Variants in ASTN2 observed in about 807,000 individuals in gnomAD.
ASTN2 encodes the protein astrotactin 2.
In ASTN2, 54 loss-of-function variants were observed where a neutral mutation model predicts 139.8. The ratio of observed to expected loss-of-function variants is 0.39; its 90% CI spans 0.31 to 0.48. ASTN2 has a LOEUF of 0.48. ASTN2 is among the 20% of genes least tolerant of loss of function. The probability of loss-of-function intolerance (pLI) is 0.95; values close to 1 mark genes in which losing one functional copy is unlikely to be tolerated. For synonymous variants in ASTN2, 756 were observed against 719.5 expected (o/e 1.05, Z -0.81); for missense variants, 1,565 against 1,725.1 (o/e 0.91, Z 1.64).
rs113989286 is a variant in ASTN2 at position 116,691,324 on chromosome 9, G to C, written c.2806+34447C>G. Among the ~76,000 whole-genome samples, 950 of 152,226 alleles carry C rather than the reference G, an allele frequency of 6.2e-3. 6 individuals carry two copies. The highest frequency in any genetic ancestry group is 0.031 in the South Asian group (151 of 4,820). ...AGGTTAGTTGGAGGTCCCTGAGAAG[G>C]GGCTATTGATTTTTCCTTTGTCTTA... On this transcript the variant is annotated intron_variant, in intron 16 of 22. Transcript: ENST00000313400.
chr9:116,898,700 C>T (rs1450206977), intron 10 of ASTN2, among the ~76,000 whole-genome samples: 2 of 152,192 alleles, frequency 1.3e-5, no homozygotes, highest in Admixed American at 6.5e-5. Flanking sequence ...GACAGGGTCT[C>T]GCTATGTTGT....
chr9:117,010,132 C>T (rs923265578), intron 6 of ASTN2, among the ~76,000 whole-genome samples: 2 of 152,050 alleles, frequency 1.3e-5, no homozygotes, highest in Non-Finnish European at 2.9e-5. Flanking sequence ...AGGAAATGAC[C>T]ACATTTCAAG....
intron 2 of ASTN2, among the ~76,000 whole-genome samples, chr9:117,244,088 T>C (rs1330552420): frequency 1.3e-5 from 2 of 152,136 alleles, no homozygotes; most frequent in South Asian, 4.1e-4. Flanking sequence ...TGACAGTTCC[T>C]CCTTCACACA....
At chr9:117,089,219 G>A (rs11790839) in intron 5 of ASTN2, among the ~76,000 whole-genome samples, 122,784 of 152,186 alleles carry the variant, frequency 0.81, 50,151 homozygotes, top group Middle Eastern at 0.88. Flanking sequence ...TTGAGGTCCC[G>A]AGGGAGCACA....
chr9:117,220,220 G>C (rs1379882667), intron 2 of ASTN2, among the ~76,000 whole-genome samples: 2 of 151,946 alleles, frequency 1.3e-5, no homozygotes, highest in Non-Finnish European at 2.9e-5. Context: ...TGGCTTCCTG[G>C]GGTCCTTAAA....
intron 19 of ASTN2, among the ~76,000 whole-genome samples, chr9:116,496,768 A>G (rs951973099): frequency 3.3e-5 from 5 of 152,226 alleles, no homozygotes; most frequent in East Asian, 1.9e-4. Flanking sequence ...CATGGTGGAA[A>G]GCAAAGGAGG....
At chr9:116,822,771 T>A (rs1048855006) in intron 11 of ASTN2, among the ~76,000 whole-genome samples, 4 of 152,190 alleles carry the variant, frequency 2.6e-5, no homozygotes, top group Non-Finnish European at 5.9e-5. Context: ...TGATAATGGA[T>A]CCCAAAGACA....
intron 4 of ASTN2, among the ~76,000 whole-genome samples, chr9:117,134,025 A>G (rs1419313220): frequency 2.6e-5 from 4 of 151,914 alleles, no homozygotes; most frequent in Admixed American, 6.6e-5. Flanking sequence ...TCCTTTGTCA[A>G]AAGGGGCGGT....
At chr9:117,118,349 C>T (rs911818864) in intron 4 of ASTN2, among the ~76,000 whole-genome samples, 7 of 151,984 alleles carry the variant, frequency 4.6e-5, no homozygotes, top group Non-Finnish European at 7.4e-5. Flanking sequence ...TGGTAGTCAT[C>T]ACTGATCCCT....
chr9:116,851,439 T>A (rs1832598201), intron 11 of ASTN2, among the ~76,000 whole-genome samples: 1 of 151,988 alleles, frequency 6.6e-6, no homozygotes, highest in East Asian at 1.9e-4. Context: ...CATATTTTTC[T>A]ATATATTATA....
intron 5 of ASTN2, among the ~76,000 whole-genome samples, chr9:117,090,384 G>C (rs1828676294): frequency 6.6e-6 from 1 of 151,904 alleles, no homozygotes; most frequent in African/African-American, 2.4e-5. Context: ...TCTCCATATT[G>C]ATGGCTACAG....
At chr9:116,747,879 G>A (rs1829290265) in intron 13 of ASTN2, among the ~76,000 whole-genome samples, 1 of 152,152 alleles carries the variant, frequency 6.6e-6, no homozygotes, top group Non-Finnish European at 1.5e-5. Flanking sequence ...TCCTGCCCTG[G>A]TAATTGCGAT....
At chr9:117,373,466 T>C (rs1830040146) in intron 1 of ASTN2, among the ~76,000 whole-genome samples, 1 of 152,182 alleles carries the variant, frequency 6.6e-6, no homozygotes, top group East Asian at 1.9e-4. Context: ...CTATTATCCA[T>C]TGTAGTAGAA....
intron 17 of ASTN2, among the ~76,000 whole-genome samples, chr9:116,621,441 GCACACACACA>G (rs10547546): frequency 4.1e-5 from 6 of 147,946 alleles, no homozygotes; most frequent in Non-Finnish European, 7.5e-5. Flanking sequence ...ACACATGCAC[GCACACACACA>G]CACACACACA....
intron 4 of ASTN2, among the ~76,000 whole-genome samples, chr9:117,112,128 A>G (rs968410519): frequency 1.3e-5 from 2 of 152,078 alleles, no homozygotes; most frequent in Non-Finnish European, 2.9e-5. Context: ...AACACTGTCA[A>G]GATAAAGAAA....
At chr9:116,448,390 C>T (rs556768181) in intron 20 of ASTN2, among the ~76,000 whole-genome samples, 91 of 151,954 alleles carry the variant, frequency 6.0e-4, no homozygotes, top group African/African-American at 2.1e-3. Context: ...AGCTGGATGG[C>T]CAGGGCCACC....
chr9:117,103,953 A>T (rs1829042823), intron 4 of ASTN2, among the ~76,000 whole-genome samples: 1 of 152,144 alleles, frequency 6.6e-6, no homozygotes, highest in Non-Finnish European at 1.5e-5. Context: ...TTTGACCACA[A>T]CTGCTACCTG....
intron 20 of ASTN2, among the ~76,000 whole-genome samples, chr9:116,464,915 T>C (rs1183147950): frequency 6.6e-6 from 1 of 152,168 alleles, no homozygotes; most frequent in Non-Finnish European, 1.5e-5. Flanking sequence ...CCTAAGAAAC[T>C]TGCAAAGAAG....
intron 16 of ASTN2, among the ~76,000 whole-genome samples, chr9:116,704,060 A>T (rs1827924729): frequency 6.6e-6 from 1 of 152,106 alleles, no homozygotes; most frequent in African/African-American, 2.4e-5. Flanking sequence ...CTGGCAATGT[A>T]CTCTAGTGAG....
Sources: gnomAD v4.1 joint callset for allele counts (sites outside exome capture counted in the v4.1 genomes callset) on GRCh38, gnomAD v4.1.1 for gene constraint, MANE v1.5 for transcripts, NCBI Gene and HGNC (gene_info 2026-07-23, HGNC 2026-07-21) for gene names.